Variants in TAOK3 observed in about 807,000 individuals in gnomAD.
TAOK3 encodes the protein TAO kinase 3, also known as serine/threonine-protein kinase TAO3.
TAOK3 carries 40 observed loss-of-function variants against 120.4 expected under a neutral mutation model. The observed-to-expected ratio is 0.33, with a 90% CI of 0.26 to 0.43. The LOEUF (loss-of-function observed/expected upper bound fraction) is 0.43. TAOK3 is among the 20% of genes least tolerant of loss of function. The pLI is 1.00. For synonymous variants in TAOK3, 355 were observed against 387.5 expected (o/e 0.92, Z 0.99); for missense variants, 821 against 1,112.1 (o/e 0.74, Z 3.72).
Position 118,321,512 on chromosome 12 carries a change from G to A in TAOK3, c.-194+51136C>T, listed in dbSNP as rs1350574809. On this transcript the variant is annotated intron_variant, in intron 1 of 20. Transcript: ENST00000392533. ...TGGGCTCAAGCAATCCTCCTACCTC[G>A]GTTTCCCAAAGTGCTGGGATTACAG... is the stretch of plus-strand genomic sequence containing the variant. Among the ~76,000 whole-genome samples the A allele has an allele frequency of 4.1e-4, 62 of 152,048 alleles. 1 individual carries two copies. Among genetic ancestry groups the A allele is most frequent in the Non-Finnish European group, 1.0e-4 (7 of 68,002 alleles).
chr12:118,179,862 T>C (rs1430892469), intron 15 of TAOK3, among the ~76,000 whole-genome samples: 1 of 150,912 alleles, frequency 6.6e-6, no homozygotes, highest in Non-Finnish European at 1.5e-5. Flanking sequence ...GCCAGGCTGG[T>C]CTCAAACTCT....
chr12:118,199,066 G>A lies in TAOK3; in HGVS notation c.1179C>T (p.Ser393=), dbSNP rs746129816. The A allele has an allele frequency of 5.9e-5, 95 of 1,614,026 alleles. No individual in the cohort carries two copies. The highest frequency in any genetic ancestry group is 6.8e-5 in the Non-Finnish European group (80 of 1,180,032). Residue 393 remains serine, a synonymous_variant, in exon 13 of 21, where the codon TCC becomes TCT. Transcript: ENST00000392533. ...DDESTINSSS[S]VVHKKDHVFI... The stretch of plus-strand genomic sequence containing the variant: ...AGAAACCTACTTTCTTATGCACGAC[G>A]GAGGAGCTGGAATTGATTGTGCTTT...
intron 16 of TAOK3, among the ~76,000 whole-genome samples, chr12:118,173,027 TAAAG>T (rs1431037263): frequency 1.3e-5 from 2 of 152,158 alleles, no homozygotes; most frequent in Non-Finnish European, 2.9e-5. Context: ...AATCAAAAAT[TAAAG>T]AACCGCAGAA....
chr12:118,212,076 C>G (rs2038661738), intron 11 of TAOK3, among the ~76,000 whole-genome samples: 1 of 152,152 alleles, frequency 6.6e-6, no homozygotes. Flanking sequence ...GTCACCTAGC[C>G]AAGGTGTTCT....
intron 13 of TAOK3, among the ~76,000 whole-genome samples, chr12:118,196,245 T>C (rs1171937751): frequency 6.6e-6 from 1 of 152,160 alleles, no homozygotes; most frequent in Non-Finnish European, 1.5e-5. Flanking sequence ...GTGGTAGAAC[T>C]GTCCTGCTAA....
chr12:118,265,463 T>C (rs561791075), intron 2 of TAOK3, among the ~76,000 whole-genome samples: 36 of 146,650 alleles, frequency 2.5e-4, no homozygotes, highest in African/African-American at 8.4e-4. Flanking sequence ...TACACTTACC[T>C]ACAAACTCAA....
intron 19 of TAOK3, among the ~76,000 whole-genome samples, chr12:118,153,459 A>G (rs1193527499): frequency 6.6e-6 from 1 of 152,192 alleles, no homozygotes; most frequent in Non-Finnish European, 1.5e-5. Context: ...GACAATTTTA[A>G]GAGGCATAAC....
intron 14 of TAOK3, among the ~76,000 whole-genome samples, chr12:118,182,389 G>A (rs2036788495): frequency 2.0e-5 from 3 of 151,652 alleles, no homozygotes; most frequent in Admixed American, 2.0e-4. Context: ...CAACGAGCCC[G>A]ATAATTATCT....
intron 1 of TAOK3, among the ~76,000 whole-genome samples, chr12:118,292,040 C>G (rs2042504425): frequency 6.6e-6 from 1 of 151,994 alleles, no homozygotes; most frequent in South Asian, 2.1e-4. Flanking sequence ...ATCTCCTGAC[C>G]TCGTGATCTG....
intron 5 of TAOK3, among the ~76,000 whole-genome samples, chr12:118,240,957 T>A (rs1057331755): frequency 6.7e-6 from 1 of 150,164 alleles, no homozygotes; most frequent in Non-Finnish European, 1.5e-5. Context: ...TAGAAACTAT[T>A]ATACTTTTAT....
rs139218568 is a variant in TAOK3, at chr12:118,163,371, C to A, written c.1900-1344G>T. Among the ~76,000 whole-genome samples, 360 of 146,470 alleles carry A rather than the reference C, an allele frequency of 2.5e-3. 5 individuals carry two copies. The highest frequency in any genetic ancestry group is 0.018 in the East Asian group (88 of 4,980). ...TCTATAGTAATTTCCCTGGTTTTGG[C>A]TTAAGCTAGCTGAAATAAATTTCAG... On this transcript the variant is annotated intron_variant, in intron 17 of 20. Coordinates refer to ENST00000392533, the MANE Select transcript of TAOK3 (RefSeq NM_016281.4).
chr12:118,336,594 A>G (rs1353195519), intron 1 of TAOK3, among the ~76,000 whole-genome samples: 1 of 152,172 alleles, frequency 6.6e-6, no homozygotes, highest in Non-Finnish European at 1.5e-5. Context: ...AAAAAAATCA[A>G]TAAATTGTAC....
chr12:118,277,736 G>A (rs2041954078), intron 1 of TAOK3, among the ~76,000 whole-genome samples: 1 of 152,056 alleles, frequency 6.6e-6, no homozygotes, highest in Non-Finnish European at 1.5e-5. Flanking sequence ...TGGGATTACA[G>A]GCATGAGCCA....
At position 118,172,608 on chromosome 12, in the gene TAOK3, G is replaced by C. The variant is rs1212624348; in HGVS notation, c.1748C>G (p.Ser583Cys). Residue 583 changes from serine to cysteine, a missense_variant, in exon 17 of 21, where the codon TCC (serine) becomes TGC (cysteine). Around this residue, in one of 2 missense-constraint regions of TAOK3, gnomAD observed 354 missense variants for 572.1 expected, o/e 0.62. Transcript: ENST00000392533. ...GTGCTGCAAGTTCTCTTTATGTTTG[G>C]AGATCCGCTCTTGCTTCTCTTTCTT... ...TPKKEKQERI[S>C]KHKENLQHTQ... 1 of 1,614,130 alleles carries C rather than the reference G, an allele frequency of 6.2e-7. No homozygotes were observed. The highest frequency in any genetic ancestry group is 1.1e-5 in the South Asian group (1 of 91,082).
intron 1 of TAOK3, among the ~76,000 whole-genome samples, chr12:118,353,409 T>C (rs141646828): frequency 1.4e-4 from 22 of 152,052 alleles, no homozygotes; most frequent in African/African-American, 3.4e-4. Context: ...CCGACTTCAA[T>C]AGAACAGAAA....
chr12:118,350,608 C>T (rs532840653), intron 1 of TAOK3, among the ~76,000 whole-genome samples: 2 of 152,228 alleles, frequency 1.3e-5, no homozygotes, highest in East Asian at 3.9e-4. Flanking sequence ...CCTGTAATCC[C>T]AGCACTTTGG....
chr12:118,300,569 G>A (rs1371689583), intron 1 of TAOK3, among the ~76,000 whole-genome samples: 3 of 151,672 alleles, frequency 2.0e-5, no homozygotes, highest in Non-Finnish European at 2.9e-5. Context: ...TCACTATAGC[G>A]CACACACATG....
At chr12:118,192,543 A>C (rs921678611) in intron 13 of TAOK3, among the ~76,000 whole-genome samples, 4 of 152,238 alleles carry the variant, frequency 2.6e-5, no homozygotes, top group Admixed American at 2.6e-4. Context: ...TTTCAAGTGC[A>C]TTGGGAAATG....
At chr12:118,227,855 T>C (rs759939405) in intron 9 of TAOK3, among the ~76,000 whole-genome samples, 6 of 152,190 alleles carry the variant, frequency 3.9e-5, no homozygotes, top group Non-Finnish European at 8.8e-5. Context: ...TACTCCATAC[T>C]GCTAACTCTA....
Sources: allele counts gnomAD v4.1 joint callset (sites outside exome capture counted in the v4.1 genomes callset), GRCh38; gene constraint gnomAD v4.1.1; regional missense constraint gnomAD v4.1.1; transcripts MANE v1.5; gene names NCBI Gene and HGNC (gene_info 2026-07-23, HGNC 2026-07-21).